Variants in TPCN1 observed in about 807,000 individuals in gnomAD.
TPCN1 encodes two pore segment channel 1, also known as two pore channel protein 1.
Under a neutral mutation model 108.8 loss-of-function variants are expected in TPCN1, and 52 were observed. The observed-to-expected ratio is 0.48, with a 90% CI of 0.38 to 0.60. TPCN1 has a LOEUF of 0.60. Among genes scored for constraint, TPCN1 ranks in the 20% least tolerant of loss-of-function variants. The probability of loss-of-function intolerance (pLI) is 0.00; values close to 1 mark genes in which losing one functional copy is unlikely to be tolerated. For synonymous variants in TPCN1, 446 were observed against 433.7 expected, an observed-to-expected ratio of 1.03 and a Z score of -0.35; for missense variants, 806 against 1,072.8, an observed-to-expected ratio of 0.75 and a Z score of 3.47.
At chr12:113,244,166 G>A in intron 2 of TPCN1, 1 of 310,802 alleles carries the variant, frequency 3.2e-6, no homozygotes, top group Non-Finnish European at 4.7e-6. Context: ...AGTTAGAGGA[G>A]ACACAGGGCA....
At position 113,272,691 on chromosome 12, in the gene TPCN1, C is replaced by T. The variant is rs753848935; in HGVS notation, c.782C>T (p.Pro261Leu). 2 of 1,613,508 alleles carry T rather than the reference C, an allele frequency of 1.2e-6. No individual in the cohort carries two copies. Among genetic ancestry groups the T allele is most frequent in the Non-Finnish European group, 1.7e-6 (2 of 1,179,400 alleles). ...FYLFSPNPSD[P>L]YFSTLENSIV... ...TTGTTCTCCCCTAACCCTTCAGACC[C>T]CGTAAGTAATCAGCACATTTGTCCG... Residue 261 changes from proline to leucine, a missense_variant and splice_region_variant, in exon 8 of 28, where the codon CCC (proline) becomes CTC (leucine). Transcript: ENST00000335509. The surrounding 1 kb of genome is among the most constrained non-coding windows in gnomAD (Gnocchi z 4.1).
At chr12:113,257,282 C>G (rs1031356812) in intron 2 of TPCN1, among the ~76,000 whole-genome samples, 1 of 151,984 alleles carries the variant, frequency 6.6e-6, no homozygotes, top group African/African-American at 2.4e-5. Flanking sequence ...ACCTGAGGTT[C>G]GGAATTCAAG....
rs1276723480 is a variant in TPCN1 at position 113,273,526 on chromosome 12, G to A, written c.843-43G>A. On this transcript the variant is annotated intron_variant, in intron 9 of 27. Coordinates refer to ENST00000335509, the MANE Select transcript of TPCN1 (RefSeq NM_017901.6). The surrounding 1 kb of genome is among the most constrained non-coding windows in gnomAD (Gnocchi z 4.0). ...AAGGCATGTGCTCTGAGAGGATGGAGACAGGCAGATACAGCACGCCGGGTC... is the reference window on the plus strand; with the variant it reads ...AAGGCATGTGCTCTGAGAGGATGGAAACAGGCAGATACAGCACGCCGGGTC... The A allele has an allele frequency of 2.0e-6, 3 of 1,495,526 alleles. No individual in the cohort carries two copies. The African/African-American group carries it at 4.1e-5, about 21-fold the overall frequency. 92.6% of individuals were successfully genotyped at this position (1,495,526 alleles called of 1,614,324 possible).
chr12:113,282,862 G>T (rs1173014979), intron 15 of TPCN1, among the ~76,000 whole-genome samples: 1 of 152,216 alleles, frequency 6.6e-6, no homozygotes, highest in African/African-American at 2.4e-5. Flanking sequence ...GAGGCGGGCA[G>T]ATCACTTGAG....
intron 27 of TPCN1, chr12:113,294,201 C>G (rs1357732357): frequency 6.6e-6 from 1 of 152,280 alleles, no homozygotes; most frequent in Admixed American, 6.6e-5. Flanking sequence ...CCTCCCCACT[C>G]AGCCTACCCA....
intron 18 of TPCN1, 136 bp from the exon 19 acceptor site, chr12:113,286,851 C>T (rs189559692): frequency 7.6e-5 from 51 of 669,204 alleles, no homozygotes; most frequent in South Asian, 4.1e-4. Flanking sequence ...AAGTTCTTCC[C>T]GCAGCCGGCT....
At chr12:113,283,860 G>T (rs547288981) in intron 15 of TPCN1, among the ~76,000 whole-genome samples, 1 of 152,190 alleles carries the variant, frequency 6.6e-6, no homozygotes, top group Admixed American at 6.5e-5. Context: ...TTTTTTGCAG[G>T]GATTTGGTCT....
At chr12:113,259,430 A>G (rs1027342824) in intron 2 of TPCN1, among the ~76,000 whole-genome samples, 1 of 152,220 alleles carries the variant, frequency 6.6e-6, no homozygotes, top group Non-Finnish European at 1.5e-5. Context: ...TTATTGTGAC[A>G]AACCCAACTC....
chr12:113,271,293 T>C (rs1955489611), intron 7 of TPCN1, among the ~76,000 whole-genome samples: 4 of 151,938 alleles, frequency 2.6e-5, no homozygotes, highest in Admixed American at 6.6e-5. Context: ...AAATAAGTAA[T>C]AATAACATGA....
At chr12:113,271,415 T>C (rs1208261993) in intron 7 of TPCN1, among the ~76,000 whole-genome samples, 2 of 152,232 alleles carry the variant, frequency 1.3e-5, no homozygotes, top group African/African-American at 2.4e-5. Context: ...AGGTACCCCC[T>C]GTCCTACGCT....
chr12:113,291,738 G>T, intron 24 of TPCN1, 61 bp downstream of exon 24: 1 of 1,590,376 alleles, frequency 6.3e-7, no homozygotes, highest in Non-Finnish European at 8.6e-7. Context: ...AGCTGCCCCT[G>T]CTCTTCAGCC....
chr12:113,235,955 G>A (rs890647657), intron 2 of TPCN1, among the ~76,000 whole-genome samples: 13 of 152,202 alleles, frequency 8.5e-5, no homozygotes, highest in African/African-American at 2.7e-4. Flanking sequence ...TACATGTGCT[G>A]GAGTGGGTGG....
In TPCN1 at chr12:113,285,972, A is replaced by G; in HGVS notation, c.1526+11A>G. 1 of 1,613,194 alleles carries G rather than the reference A, an allele frequency of 6.2e-7. No homozygotes were observed. The highest frequency in any genetic ancestry group is 8.5e-7 in the Non-Finnish European group (1 of 1,179,120). On this transcript the variant is annotated intron_variant, in intron 18 of 27. Coordinates refer to ENST00000335509, the MANE Select transcript of TPCN1 (RefSeq NM_017901.6). ...TTCCGGATGGAACTTGTGAGTGGAC[A>G]GCATGTTTCTGACCCAAAGCTGAGA...
chr12:113,277,251 C>T lies in TPCN1; in HGVS notation c.1071C>T (p.Gly357=), dbSNP rs1424202750. 6.2e-7 allele frequency: 1 copy of T among 1,613,460 alleles called. No individual in the cohort carries two copies. The highest frequency in any genetic ancestry group is 1.7e-5 in the Admixed American group (1 of 59,918). ...RLLISQRRPA[G]ISYRQFEGLM... ...TCCCTCTCCCCCAGAGGCCTGCCGG[C>T]ATCTCCTACAGGCAGTTTGAAGGCC... The change falls in exon 12 of 28, where the codon GGC becomes GGT. Residue 357 remains glycine, a synonymous_variant. Coordinates refer to ENST00000335509, the MANE Select transcript of TPCN1 (RefSeq NM_017901.6).
At chr12:113,275,183 T>A (rs1427212909) in intron 10 of TPCN1, among the ~76,000 whole-genome samples, 2 of 152,204 alleles carry the variant, frequency 1.3e-5, no homozygotes, top group Non-Finnish European at 2.9e-5. Context: ...TCAGGCCCAG[T>A]ATAGAAATGA....
At chr12:113,221,860 CCAGCCAG>C (rs1953243460) in intron 1 of TPCN1, among the ~76,000 whole-genome samples, 1 of 152,170 alleles carries the variant, frequency 6.6e-6, no homozygotes, top group Non-Finnish European at 1.5e-5. Flanking sequence ...ACGTGGGCTC[CCAGCCAG>C]GGGCTGGGAG....
intron 2 of TPCN1, among the ~76,000 whole-genome samples, chr12:113,251,419 T>G (rs2136530511): frequency 6.6e-6 from 1 of 152,354 alleles, no homozygotes; most frequent in Middle Eastern, 3.4e-3. Flanking sequence ...CATTTCTAGT[T>G]ATTACAAAGC....
chr12:113,230,144 C>T lies in TPCN1; in HGVS notation c.112+3180C>T, dbSNP rs144285406. On this transcript the variant is annotated intron_variant, in intron 2 of 27. Transcript: ENST00000335509. ...CTTTGAAGCCTTCACTGAACTTCCC[C>T]TTCCTGACAGAGCTAATTACTCACT... Among the ~76,000 whole-genome samples, 11 of 152,278 alleles carry T rather than the reference C, an allele frequency of 7.2e-5. No homozygotes were observed. The East Asian group carries it at 1.9e-3, about 27-fold the overall frequency.
At chr12:113,281,264 T>C (rs1438173287) in intron 15 of TPCN1, among the ~76,000 whole-genome samples, 2 of 152,130 alleles carry the variant, frequency 1.3e-5, no homozygotes, top group African/African-American at 4.8e-5. Context: ...GGTCTCGAAC[T>C]CCTGACCTCA....
Sources: allele counts gnomAD v4.1 joint callset (sites outside exome capture counted in the v4.1 genomes callset), GRCh38; gene constraint gnomAD v4.1.1; non-coding constraint Gnocchi (gnomAD v3.1); transcripts MANE v1.5; gene names NCBI Gene and HGNC (gene_info 2026-07-23, HGNC 2026-07-21).